Variants in PDE4D observed in about 807,000 individuals in gnomAD.
PDE4D encodes the protein 3',5'-cyclic-AMP phosphodiesterase 4D.
A neutral mutation model predicts 87.4 loss-of-function variants in PDE4D; 24 were observed. The observed-to-expected ratio is 0.27, with a 90% CI of 0.20 to 0.39. PDE4D has a LOEUF of 0.39. PDE4D is among the 10% of genes least tolerant of loss of function. PDE4D has a pLI of 1.00. For missense variants in PDE4D, 714 were observed against 1,041.0 expected, an observed-to-expected ratio of 0.69 and a Z score of 4.32; for synonymous variants, 384 against 383.2, an observed-to-expected ratio of 1.00 and a Z score of -0.02.
intron 1 of PDE4D, among the ~76,000 whole-genome samples, chr5:59,585,232 C>G (rs1436481056): frequency 6.6e-6 from 1 of 152,146 alleles, no homozygotes; most frequent in South Asian, 2.1e-4. Context: ...GCCTCCCATC[C>G]TTCTCTGCAA....
chr5:59,555,269 C>T (rs1166698856), intron 1 of PDE4D, among the ~76,000 whole-genome samples: 4 of 152,104 alleles, frequency 2.6e-5, no homozygotes, highest in African/African-American at 9.7e-5. Context: ...ATACTGTATG[C>T]TCTCACTTGT....
intron 1 of PDE4D, among the ~76,000 whole-genome samples, chr5:59,620,043 A>C (rs2150106765): frequency 6.6e-6 from 1 of 152,286 alleles, no homozygotes; most frequent in Non-Finnish European, 1.5e-5. Context: ...GGAGCAAGTC[A>C]ACTGAAAAGG....
At chr5:60,388,449 A>G (rs893574942) in intron 1 of PDE4D, among the ~76,000 whole-genome samples, 1 of 151,816 alleles carries the variant, frequency 6.6e-6, no homozygotes, top group Non-Finnish European at 1.5e-5. Context: ...ACACAGGTAT[A>G]CATGTGCCAT....
At chr5:59,494,593 CT>C (rs1046990580) in intron 1 of PDE4D, among the ~76,000 whole-genome samples, 1 of 152,146 alleles carries the variant, frequency 6.6e-6, no homozygotes, top group African/African-American at 2.4e-5. Flanking sequence ...TATGCCCAAA[CT>C]TTTGCAAAAA....
At chr5:59,378,053 G>T (rs1424189808) in intron 1 of PDE4D, among the ~76,000 whole-genome samples, 1 of 151,754 alleles carries the variant, frequency 6.6e-6, no homozygotes, top group East Asian at 1.9e-4. Context: ...TGATAGACTG[G>T]ATAAAAAAAA....
At chr5:60,168,055 C>A (rs1035383179) in intron 2 of PDE4D, among the ~76,000 whole-genome samples, 1 of 152,168 alleles carries the variant, frequency 6.6e-6, no homozygotes, top group African/African-American at 2.4e-5. Context: ...GCCATTGCAG[C>A]ATTAAGGGGT....
At chr5:59,581,790 A>T (rs1051387342) in intron 1 of PDE4D, among the ~76,000 whole-genome samples, 6 of 152,196 alleles carry the variant, frequency 3.9e-5, no homozygotes, top group Admixed American at 1.3e-4. Context: ...GAAAAAATTA[A>T]GGGGCATACA....
At chr5:59,639,023 G>A (rs1297309648) in intron 1 of PDE4D, among the ~76,000 whole-genome samples, 1 of 152,008 alleles carries the variant, frequency 6.6e-6, no homozygotes, top group African/African-American at 2.4e-5. Context: ...TGGGAAGTAG[G>A]AAGAGAAAAA....
At chr5:60,236,238 G>C (rs1746412990) in intron 1 of PDE4D, among the ~76,000 whole-genome samples, 1 of 151,982 alleles carries the variant, frequency 6.6e-6, no homozygotes, top group South Asian at 2.1e-4. Flanking sequence ...AAAAATCAAT[G>C]AATTGGACTT....
At chr5:59,421,379 G>A (rs1199485803) in intron 1 of PDE4D, among the ~76,000 whole-genome samples, 2 of 152,120 alleles carry the variant, frequency 1.3e-5, no homozygotes, top group East Asian at 3.9e-4. Flanking sequence ...CCTTTGGGGT[G>A]GATTATATGA....
At chr5:59,549,772 A>T (rs1393721524) in intron 1 of PDE4D, among the ~76,000 whole-genome samples, 1 of 152,098 alleles carries the variant, frequency 6.6e-6, no homozygotes, top group Non-Finnish European at 1.5e-5. Context: ...TGCACAATTT[A>T]TAAATAAACA....
intron 1 of PDE4D, among the ~76,000 whole-genome samples, chr5:60,368,870 A>C (rs1445971476): frequency 6.6e-6 from 1 of 152,116 alleles, no homozygotes. Context: ...GCCTCCCCAG[A>C]AGCAGAAGCC....
At chr5:59,477,243 A>AT (rs1018550413) in intron 1 of PDE4D, among the ~76,000 whole-genome samples, 5 of 151,770 alleles carry the variant, frequency 3.3e-5, no homozygotes, top group African/African-American at 1.2e-4. Context: ...TTTTACTCTT[A>AT]TAAAACAATT....
Position 60,344,858 on chromosome 5 carries a change from T to C in PDE4D, c.-90+143084A>G, listed in dbSNP as rs74851586. On this transcript the variant is annotated intron_variant, in intron 1 of 16. Transcript: ENST00000502484. ...CATTCACTATGTTCATCTGCCAAGA[T>C]TTAAAATAAATTATATTGATTTTCT... 4.8e-4 allele frequency among the ~76,000 whole-genome samples: 73 copies of C among 152,234 alleles called. 1 individual carries two copies. The East Asian group carries it at 0.013, about 27-fold the overall frequency.
chr5:60,023,154 G>A (rs1255489333), intron 2 of PDE4D, among the ~76,000 whole-genome samples: 1 of 152,036 alleles, frequency 6.6e-6, no homozygotes, highest in Non-Finnish European at 1.5e-5. Flanking sequence ...AATAATAGCA[G>A]GATTTATCTC....
intron 1 of PDE4D, among the ~76,000 whole-genome samples, chr5:59,888,970 G>C (rs2152751774): frequency 6.6e-6 from 1 of 152,114 alleles, no homozygotes; most frequent in South Asian, 2.1e-4. Context: ...GCTTACGTCT[G>C]TATCCCAGCA....
At chr5:59,370,108 C>T (rs1030226792) in intron 1 of PDE4D, among the ~76,000 whole-genome samples, 2 of 152,288 alleles carry the variant, frequency 1.3e-5, no homozygotes, top group African/African-American at 2.4e-5. Context: ...TGCCATCACC[C>T]GGGTCCAAGT....
At chr5:59,038,746 C>T in intron 6 of PDE4D, 113 bp downstream of exon 6, 1 of 1,002,454 alleles carries the variant, frequency 1.0e-6, no homozygotes, top group Non-Finnish European at 1.4e-6. Flanking sequence ...AGCCAACATG[C>T]AGTAAGCCTA....
chr5:60,116,966 T>C (rs1382242209), intron 2 of PDE4D, among the ~76,000 whole-genome samples: 1 of 152,026 alleles, frequency 6.6e-6, no homozygotes, highest in Non-Finnish European at 1.5e-5. Context: ...TAAGCTAATG[T>C]TAGCTATACT....
Sources: gnomAD v4.1 joint callset for allele counts (sites outside exome capture counted in the v4.1 genomes callset) on GRCh38, gnomAD v4.1.1 for gene constraint, MANE v1.5 for transcripts, NCBI Gene and HGNC (gene_info 2026-07-23, HGNC 2026-07-21) for gene names.